The following PTPRN2 variants were observed in gnomAD, a reference collection of about 807,000 sequenced individuals.
The protein encoded by PTPRN2 is protein tyrosine phosphatase receptor type N2.
In PTPRN2, 74 loss-of-function variants were observed where a neutral mutation model predicts 118.8. The observed-to-expected ratio is 0.62, with a 90% CI of 0.52 to 0.76. The LOEUF is 0.76. PTPRN2 is among the 30% of genes least tolerant of loss of function. The probability of loss-of-function intolerance (pLI) is 0.00; values close to 1 mark genes in which losing one functional copy is unlikely to be tolerated. For missense variants in PTPRN2, 1,481 were observed against 1,394.4 expected, an observed-to-expected ratio of 1.06 and a Z score of -0.99; for synonymous variants, 641 against 608.0, an observed-to-expected ratio of 1.05 and a Z score of -0.80.
chr7:158,260,511 T>G (rs1797326083), intron 3 of PTPRN2, among the ~76,000 whole-genome samples: 1 of 151,778 alleles, frequency 6.6e-6, no homozygotes, highest in African/African-American at 2.4e-5. Context: ...AGAAAAAGAG[T>G]CTATTTGAAT....
At chr7:158,265,394 C>CCACCTGCGGGCACA (rs1230248198) in intron 3 of PTPRN2, among the ~76,000 whole-genome samples, 1 of 151,888 alleles carries the variant, frequency 6.6e-6, no homozygotes, top group African/African-American at 2.4e-5. Context: ...AGGCAGGCAC[C>CCACCTGCGGGCACA]CACCTGCGGG....
chr7:158,149,153 C>T (rs1327640185), intron 6 of PTPRN2, among the ~76,000 whole-genome samples: 13 of 150,840 alleles, frequency 8.6e-5, no homozygotes, highest in African/African-American at 2.4e-4. Context: ...TGTCTTTCCC[C>T]CTCAGTGACA....
At chr7:158,541,792 A>C (rs1825997542) in intron 1 of PTPRN2, 1 of 961,566 alleles carries the variant, frequency 1.0e-6, no homozygotes, top group African/African-American at 1.8e-5. Flanking sequence ...TCAGAGGAGA[A>C]GGGGCCAAGG....
chr7:157,911,376 C>T (rs1244261420), intron 11 of PTPRN2, among the ~76,000 whole-genome samples: 2 of 152,062 alleles, frequency 1.3e-5, no homozygotes, highest in Non-Finnish European at 2.9e-5. Flanking sequence ...ATAGCAAAGA[C>T]GTTTAGGGAG....
chr7:158,522,634 C>T lies in PTPRN2; in HGVS notation c.113-32849G>A, dbSNP rs141297826. ...TGCACTTACAACATGCACCTTGCTG[C>T]GGCTAGATGCAGTCTGTGGACACAG... On this transcript the variant is annotated intron_variant, in intron 1 of 22. Coordinates refer to ENST00000389418, the MANE Select transcript of PTPRN2 (RefSeq NM_002847.5). Among the ~76,000 whole-genome samples the T allele has an allele frequency of 2.1e-3, 320 of 152,308 alleles. 3 individuals carry two copies. Among genetic ancestry groups the T allele is most frequent in the African/African-American group, 6.7e-3 (278 of 41,566 alleles).
intron 11 of PTPRN2, among the ~76,000 whole-genome samples, chr7:157,901,821 G>A (rs1282141949): frequency 1.3e-4 from 18 of 136,070 alleles, no homozygotes; most frequent in African/African-American, 4.8e-4. Flanking sequence ...GGGCCTCCCC[G>A]TCCGTGTTTC....
At chr7:158,048,977 A>G (rs929674962) in intron 11 of PTPRN2, among the ~76,000 whole-genome samples, 1 of 130,536 alleles carries the variant, frequency 7.7e-6, no homozygotes, top group Non-Finnish European at 1.6e-5. Context: ...CATCATCATC[A>G]CTATCATCAT....
At chr7:158,020,652 C>T (rs1468227796) in intron 11 of PTPRN2, among the ~76,000 whole-genome samples, 1 of 152,194 alleles carries the variant, frequency 6.6e-6, no homozygotes, top group African/African-American at 2.4e-5. Flanking sequence ...ATGTGCTCCT[C>T]CTCTGACGTG....
At chr7:158,234,741 TATC>T (rs1330694735) in intron 3 of PTPRN2, among the ~76,000 whole-genome samples, 7 of 152,216 alleles carry the variant, frequency 4.6e-5, no homozygotes, top group Non-Finnish European at 8.8e-5. Flanking sequence ...CACAATGAGA[TATC>T]ATCCCACTCC....
intron 12 of PTPRN2, among the ~76,000 whole-genome samples, chr7:157,844,354 AG>A (rs1237135101): frequency 2.6e-5 from 4 of 152,240 alleles, no homozygotes; most frequent in African/African-American, 9.6e-5. Context: ...TGCACCCTCC[AG>A]GCAGCTGAAG....
chr7:157,889,862 C>T (rs921181631), intron 12 of PTPRN2, among the ~76,000 whole-genome samples: 3 of 152,246 alleles, frequency 2.0e-5, no homozygotes, highest in South Asian at 2.1e-4. Context: ...TTACGAGCCT[C>T]GTCATTCTTC....
intron 2 of PTPRN2, among the ~76,000 whole-genome samples, chr7:158,466,811 C>T (rs1366137151): frequency 3.3e-5 from 5 of 152,128 alleles, no homozygotes; most frequent in Non-Finnish European, 5.9e-5. Flanking sequence ...GAGGCTGAGG[C>T]GGGTGGATCA....
At chr7:157,955,253 A>G (rs1801110568) in intron 11 of PTPRN2, among the ~76,000 whole-genome samples, 1 of 151,974 alleles carries the variant, frequency 6.6e-6, no homozygotes, top group South Asian at 2.1e-4. Flanking sequence ...TGCCAAACAT[A>G]CTCTATATTT....
At chr7:157,873,042 C>T (rs1373918585) in intron 12 of PTPRN2, among the ~76,000 whole-genome samples, 13 of 152,364 alleles carry the variant, frequency 8.5e-5, no homozygotes, top group East Asian at 3.9e-4. Context: ...GAACTGGCCA[C>T]GGAACAGGGG....
chr7:158,323,971 A>ACACACAAGTGTG (rs1326797944), intron 2 of PTPRN2, among the ~76,000 whole-genome samples: 1 of 53,790 alleles, frequency 1.9e-5, no homozygotes, highest in Non-Finnish European at 4.0e-5. Context: ...ACACATGTAC[A>ACACACAAGTGTG]CACACACAAG....
At chr7:158,378,777 T>C (rs1299051284) in intron 2 of PTPRN2, among the ~76,000 whole-genome samples, 2 of 152,182 alleles carry the variant, frequency 1.3e-5, no homozygotes, top group Non-Finnish European at 2.9e-5. Context: ...TTTTAATCAA[T>C]ACATTGAAGA....
intron 12 of PTPRN2, among the ~76,000 whole-genome samples, chr7:157,760,558 C>T (rs989257213): frequency 1.3e-5 from 2 of 152,080 alleles, no homozygotes; most frequent in Admixed American, 6.5e-5. Flanking sequence ...ATCCTCCCCA[C>T]CTCCCACATC....
At chr7:158,238,751 G>A (rs373722853) in intron 3 of PTPRN2, among the ~76,000 whole-genome samples, 90 of 152,220 alleles carry the variant, frequency 5.9e-4, no homozygotes, top group African/African-American at 1.7e-3. Flanking sequence ...AGGGACCGAC[G>A]GATTCAGTCC....
At chr7:157,859,923 ACC>A (rs1810091261) in intron 12 of PTPRN2, among the ~76,000 whole-genome samples, 1 of 120,780 alleles carries the variant, frequency 8.3e-6, no homozygotes, top group Non-Finnish European at 1.7e-5. Flanking sequence ...CCCAGCCACC[ACC>A]CACACTCCTG....
Sources: allele counts gnomAD v4.1 joint callset (sites outside exome capture counted in the v4.1 genomes callset), GRCh38; gene constraint gnomAD v4.1.1; transcripts MANE v1.5; gene names NCBI Gene and HGNC (gene_info 2026-07-23, HGNC 2026-07-21).